The following CCDC73 variants were observed in gnomAD, a reference collection of about 807,000 sequenced individuals.
CCDC73 encodes the protein coiled-coil domain containing 73, also known as coiled-coil domain-containing protein 73.
CCDC73 carries 95 observed loss-of-function variants against 116.5 expected under a neutral mutation model. The ratio of observed to expected loss-of-function variants is 0.82; its 90% CI spans 0.69 to 0.97. The LOEUF (loss-of-function observed/expected upper bound fraction) is 0.97, where lower values mean the gene tolerates loss of function less well. Among genes scored for constraint, CCDC73 ranks in the 50% least tolerant of loss-of-function variants. The probability of loss-of-function intolerance (pLI) is 0.00; values close to 1 mark genes in which losing one functional copy is unlikely to be tolerated. For missense variants in CCDC73, 1,066 were observed against 1,206.8 expected (o/e 0.88, Z 1.73); for synonymous variants, 398 against 401.3 (o/e 0.99, Z 0.10).
intron 1 of CCDC73, among the ~76,000 whole-genome samples, chr11:32,785,230 G>T (rs974681679): frequency 6.6e-6 from 1 of 152,016 alleles, no homozygotes. Flanking sequence ...CCTCACATAT[G>T]GTAAGTTTTA....
the CCDC73 span, among the ~76,000 whole-genome samples, chr11:32,802,480 C>G: frequency 6.6e-6 from 1 of 152,140 alleles, no homozygotes; most frequent in Non-Finnish European, 1.5e-5. Flanking sequence ...TTGTACACTT[C>G]TGTAAAGTGA....
chr11:32,612,433 T>A (rs1855430307), intron 16 of CCDC73, among the ~76,000 whole-genome samples: 1 of 151,854 alleles, frequency 6.6e-6, no homozygotes, highest in Admixed American at 6.6e-5. Flanking sequence ...GATAATCTAG[T>A]ATGTTTTTAT....
chr11:32,783,408 C>T (rs978748079), intron 1 of CCDC73, among the ~76,000 whole-genome samples: 65 of 152,232 alleles, frequency 4.3e-4, no homozygotes, highest in African/African-American at 1.4e-3. Context: ...AAGAGAAAGG[C>T]ATGGGATCCA....
chr11:32,786,778 T>C (rs1043113039), intron 1 of CCDC73, among the ~76,000 whole-genome samples: 3 of 152,080 alleles, frequency 2.0e-5, no homozygotes, highest in Admixed American at 2.0e-4. Context: ...ATAATCCTGA[T>C]AGGGGTCAGA....
intron 2 of CCDC73, among the ~76,000 whole-genome samples, chr11:32,750,608 C>T (rs1850280075): frequency 6.6e-6 from 1 of 152,140 alleles, no homozygotes; most frequent in South Asian, 2.1e-4. Flanking sequence ...GGAATCTCTC[C>T]CCATGGCCAC....
chr11:32,716,474 T>A (rs1849947180), intron 3 of CCDC73, among the ~76,000 whole-genome samples: 1 of 152,234 alleles, frequency 6.6e-6, no homozygotes, highest in African/African-American at 2.4e-5. Context: ...TCTTTTTAAA[T>A]TTCCCAGCCA....
chr11:32,803,714 C>T, the CCDC73 span, among the ~76,000 whole-genome samples: 1 of 152,146 alleles, frequency 6.6e-6, no homozygotes, highest in East Asian at 1.9e-4. Context: ...GATTAGACTG[C>T]TAATCATGTC....
intron 1 of CCDC73, among the ~76,000 whole-genome samples, chr11:32,789,748 G>A (rs1850659773): frequency 6.6e-6 from 1 of 152,210 alleles, no homozygotes; most frequent in South Asian, 2.1e-4. Context: ...ACTCCAGCCT[G>A]TGTGACAGAA....
the CCDC73 span, among the ~76,000 whole-genome samples, chr11:32,802,753 A>G: frequency 6.6e-6 from 1 of 151,900 alleles, no homozygotes. Flanking sequence ...TTCTGAAACT[A>G]TTTACCATAA....
In CCDC73 at chr11:32,724,423, C is replaced by A. The variant is rs569506256; in HGVS notation, c.136-6276G>T. On this transcript the variant is annotated intron_variant, in intron 2 of 17. Coordinates refer to ENST00000335185, the MANE Select transcript of CCDC73 (RefSeq NM_001008391.4). ...TGTGATGCCCATTAAATTTTCAATT[C>A]TCTTAAGGCATAGATTGAGAAATGG... Among the ~76,000 whole-genome samples the A allele has an allele frequency of 1.5e-4, 23 of 152,204 alleles. No individual in the cohort carries two copies. The East Asian group carries it at 3.3e-3, about 22-fold the overall frequency.
chr11:32,775,260 C>T (rs1028960290), intron 1 of CCDC73, among the ~76,000 whole-genome samples: 7 of 152,108 alleles, frequency 4.6e-5, no homozygotes, highest in South Asian at 2.1e-4. Context: ...CAAAAATATA[C>T]CAAATTTATT....
chr11:32,696,887 T>A (rs996338604), intron 6 of CCDC73, among the ~76,000 whole-genome samples: 1 of 151,318 alleles, frequency 6.6e-6, no homozygotes, highest in Non-Finnish European at 1.5e-5. Flanking sequence ...AACAGTGTAG[T>A]GGCCTGATCA....
the CCDC73 span, among the ~76,000 whole-genome samples, chr11:32,820,145 G>A: frequency 4.5e-4 from 68 of 152,218 alleles, 2 homozygotes; most frequent in South Asian, 6.2e-3. Flanking sequence ...TTTAAAAACC[G>A]AAGAATGAAC....
intron 2 of CCDC73, among the ~76,000 whole-genome samples, chr11:32,732,563 G>A (rs187108670): frequency 2.8e-4 from 42 of 152,218 alleles, no homozygotes; most frequent in South Asian, 2.3e-3. Flanking sequence ...GACTAACAGC[G>A]GATCTCTTGG....
chr11:32,712,532 T>C (rs1849908961), intron 3 of CCDC73, among the ~76,000 whole-genome samples: 1 of 151,340 alleles, frequency 6.6e-6, no homozygotes, highest in South Asian at 2.1e-4. Flanking sequence ...TTGTAGCCCA[T>C]ATATACAATA....
intron 17 of CCDC73, chr11:32,603,221 A>ATAAC (rs1855300141): frequency 2.1e-6 from 1 of 482,798 alleles, no homozygotes; most frequent in Non-Finnish European, 3.6e-6. Flanking sequence ...TCTCTAATAT[A>ATAAC]TAACTGAAGT....
intron 14 of CCDC73, among the ~76,000 whole-genome samples, chr11:32,625,397 T>C (rs1855561420): frequency 2.6e-5 from 4 of 152,238 alleles, no homozygotes; most frequent in Non-Finnish European, 5.9e-5. Flanking sequence ...CAATTTGGCA[T>C]GTTTTTGCAA....
chr11:32,651,336 A>G (rs1402426550), intron 12 of CCDC73, among the ~76,000 whole-genome samples: 2 of 152,182 alleles, frequency 1.3e-5, no homozygotes, highest in African/African-American at 4.8e-5. Context: ...AACAAAGACA[A>G]CTGTTGTTAT....
chr11:32,622,925 C>A (rs1296359784), intron 14 of CCDC73, among the ~76,000 whole-genome samples: 2 of 152,020 alleles, frequency 1.3e-5, no homozygotes, highest in Non-Finnish European at 2.9e-5. Context: ...GAAATAGTAT[C>A]AAATGCTTCA....
Sources: gnomAD v4.1 joint callset for allele counts (sites outside exome capture counted in the v4.1 genomes callset) on GRCh38, gnomAD v4.1.1 for gene constraint, MANE v1.5 for transcripts, NCBI Gene and HGNC (gene_info 2026-07-23, HGNC 2026-07-21) for gene names.